Variants in PPP2R2D observed in about 807,000 individuals in gnomAD.
PPP2R2D encodes protein phosphatase 2 regulatory subunit Bdelta, also known as serine/threonine-protein phosphatase 2A 55 kDa regulatory subunit B delta isoform.
A neutral mutation model predicts 31.1 loss-of-function variants in PPP2R2D; 9 were observed. The ratio of observed to expected loss-of-function variants is 0.29; its 90% CI spans 0.17 to 0.51. The LOEUF (loss-of-function observed/expected upper bound fraction) is 0.51. Ranked by LOEUF, PPP2R2D falls within the 20% of genes least tolerant of loss-of-function variation. The pLI is 0.98. For synonymous variants in PPP2R2D, 179 were observed against 172.6 expected (o/e 1.04, Z -0.29); for missense variants, 391 against 465.6 (o/e 0.84, Z 1.48).
At chr10:131,967,900 G>A in the PPP2R2D span, 1 of 152,340 alleles carries the variant, frequency 6.6e-6, no homozygotes, top group African/African-American at 2.4e-5. Flanking sequence ...CTAATAATCG[G>A]AGACTTAATT....
chr10:131,918,558 G>T (rs1329996711), intron 2 of PPP2R2D, among the ~76,000 whole-genome samples: 3 of 148,850 alleles, frequency 2.0e-5, no homozygotes, highest in Non-Finnish European at 3.0e-5. Context: ...ATCTCACGTG[G>T]GTGGAATGAC....
rs1554900416 is a variant in PPP2R2D, at chr10:131,957,902, G to A, written c.*1939G>A. 1 of 132,722 alleles carries A rather than the reference G, an allele frequency of 7.5e-6. No homozygotes were observed. The highest frequency in any genetic ancestry group is 3.1e-5 in the African/African-American group (1 of 31,952). 8.2% of individuals were successfully genotyped at this position (132,722 alleles called of 1,614,324 possible). ...TCCCCCTGTGGAGATGGTGTGTGCT[G>A]ATCCCCGTCCCCCTGTGGAGATGAA... On this transcript the variant is annotated 3_prime_UTR_variant, in exon 9 of 9. Transcript: ENST00000455566.
At chr10:131,965,480 C>T in the PPP2R2D span, among the ~76,000 whole-genome samples, 34 of 152,284 alleles carry the variant, frequency 2.2e-4, no homozygotes, top group South Asian at 2.5e-3. Context: ...GACAGAGTCT[C>T]GCTCTGTCGC....
At chr10:131,929,905 G>A (rs540146142) in intron 2 of PPP2R2D, among the ~76,000 whole-genome samples, 17 of 152,144 alleles carry the variant, frequency 1.1e-4, no homozygotes, top group African/African-American at 3.1e-4. Flanking sequence ...ACCTGAGGCC[G>A]CCCCGGTTGT....
At chr10:131,967,904 C>T in the PPP2R2D span, 7 of 152,248 alleles carry the variant, frequency 4.6e-5, no homozygotes, top group African/African-American at 1.2e-4. Context: ...TAATCGGAGA[C>T]TTAATTCCTT....
At chr10:131,954,868 C>G (rs549233600) in intron 8 of PPP2R2D, among the ~76,000 whole-genome samples, 2 of 152,316 alleles carry the variant, frequency 1.3e-5, no homozygotes, top group South Asian at 4.1e-4. Flanking sequence ...TCAAGGACGG[C>G]TGGAGAAACC....
chr10:131,926,205 C>T (rs1384974475), intron 2 of PPP2R2D, among the ~76,000 whole-genome samples: 7 of 152,164 alleles, frequency 4.6e-5, no homozygotes, highest in South Asian at 4.1e-4. Flanking sequence ...TACTGGGTCT[C>T]GGACATAAAT....
chr10:131,934,993 C>T, intron 3 of PPP2R2D: 1 of 454,902 alleles, frequency 2.2e-6, no homozygotes, highest in Non-Finnish European at 4.4e-6. Context: ...ATTCTCTCTT[C>T]CCTTCAGGGA....
chr10:131,929,563 C>T (rs1187281382), intron 2 of PPP2R2D, among the ~76,000 whole-genome samples: 3 of 152,168 alleles, frequency 2.0e-5, no homozygotes, highest in East Asian at 1.9e-4. Context: ...CTCTCCACAT[C>T]GCCCGTGTCC....
In PPP2R2D at chr10:131,945,528, C is replaced by T. The variant is rs1368560254; in HGVS notation, c.820+69C>T. The stretch of plus-strand genomic sequence containing the variant: ...AGGCTGCGGTGCAGTGACACAGTCT[C>T]GGCTCACGGCAAGCTCCGCCTCCCG... On this transcript the variant is annotated intron_variant, in intron 7 of 8. Coordinates refer to ENST00000455566, the MANE Select transcript of PPP2R2D (RefSeq NM_018461.5). The surrounding 1 kb of genome is among the most constrained non-coding windows in gnomAD (Gnocchi z 4.8). The T allele has an allele frequency of 1.5e-4, 219 of 1,509,334 alleles. No individual in the cohort carries two copies. Among genetic ancestry groups the T allele is most frequent in the Non-Finnish European group, 1.8e-4 (200 of 1,120,836 alleles). The allele number at this position is 1,509,334 out of a possible 1,614,324, so 93.5% of individuals were successfully genotyped here.
intron 2 of PPP2R2D, among the ~76,000 whole-genome samples, chr10:131,918,103 T>A (rs1448297713): frequency 7.2e-6 from 1 of 138,278 alleles, no homozygotes; most frequent in African/African-American, 2.8e-5. Flanking sequence ...TGTAGGGACC[T>A]CAGGCGGGTG....
intron 2 of PPP2R2D, among the ~76,000 whole-genome samples, chr10:131,906,721 G>C (rs2035591944): frequency 6.9e-6 from 1 of 145,672 alleles, no homozygotes; most frequent in South Asian, 2.2e-4. Flanking sequence ...AGCAATTTGA[G>C]ACCAGCCTGG....
At chr10:131,932,661 AAAAAAAAC>A (rs1184038249) in intron 2 of PPP2R2D, among the ~76,000 whole-genome samples, 16 of 149,708 alleles carry the variant, frequency 1.1e-4, no homozygotes, top group African/African-American at 3.0e-4. Context: ...AAAAAAAAAA[AAAAAAAAC>A]ACACAAAAAA....
At chr10:131,932,669 C>A (rs4880333) in intron 2 of PPP2R2D, among the ~76,000 whole-genome samples, 32,813 of 87,618 alleles carry the variant, frequency 0.37, 4,792 homozygotes, top group East Asian at 0.48. Flanking sequence ...AAAAAAAAAA[C>A]ACACAAAAAA....
chr10:131,906,674 A>G (rs1475004666), intron 2 of PPP2R2D, among the ~76,000 whole-genome samples: 1 of 151,734 alleles, frequency 6.6e-6, no homozygotes, highest in Non-Finnish European at 1.5e-5. Context: ...TAGTCTCAGC[A>G]CTTCAGGAGG....
Position 131,947,911 on chromosome 10 carries a change from T to C in PPP2R2D, c.1082+120T>C. On this transcript the variant is annotated intron_variant, in intron 8 of 8. Coordinates refer to ENST00000455566, the MANE Select transcript of PPP2R2D (RefSeq NM_018461.5). The surrounding 1 kb of genome is among the most constrained non-coding windows in gnomAD (Gnocchi z 4.3). ...AGGAGGACGCTCATAGGGTGTTGTT[T>C]TCCAGACCTTTTGATTGATGGATGA... The C allele has an allele frequency of 3.9e-6, 5 of 1,271,054 alleles. No individual in the cohort carries two copies. The highest frequency in any genetic ancestry group is 5.4e-6 in the Non-Finnish European group (5 of 918,724). The allele number at this position is 1,271,054 out of a possible 1,614,324, so 78.7% of individuals were successfully genotyped here.
intron 8 of PPP2R2D, among the ~76,000 whole-genome samples, chr10:131,953,291 G>A (rs1284068239): frequency 8.0e-6 from 1 of 125,764 alleles, no homozygotes; most frequent in Admixed American, 8.4e-5. Context: ...AGGTATGCGG[G>A]GGTTCACTGT....
At chr10:131,903,809 A>G (rs2035540051) in intron 2 of PPP2R2D, among the ~76,000 whole-genome samples, 1 of 152,220 alleles carries the variant, frequency 6.6e-6, no homozygotes, top group African/African-American at 2.4e-5. Context: ...GTGATGATGA[A>G]GGGAAGTGTA....
At chr10:131,908,480 C>T (rs1209671870) in intron 2 of PPP2R2D, among the ~76,000 whole-genome samples, 2 of 152,160 alleles carry the variant, frequency 1.3e-5, no homozygotes, top group African/African-American at 4.8e-5. Flanking sequence ...TTGTGGTTCC[C>T]TTATTTTATC....
Sources: gnomAD v4.1 joint callset for allele counts (sites outside exome capture counted in the v4.1 genomes callset) on GRCh38, gnomAD v4.1.1 for gene constraint, Gnocchi (gnomAD v3.1) non-coding constraint, MANE v1.5 for transcripts, NCBI Gene and HGNC (gene_info 2026-07-23, HGNC 2026-07-21) for gene names.